Variants in INPP5A observed in about 807,000 individuals in gnomAD.
The protein encoded by INPP5A is 43 kDa inositol polyphosphate 5-phophatase.
In INPP5A, 14 loss-of-function variants were observed where a neutral mutation model predicts 65.2. The ratio of observed to expected loss-of-function variants is 0.21; its 90% CI spans 0.14 to 0.34. INPP5A has a LOEUF of 0.34. INPP5A is among the 10% of genes least tolerant of loss of function. The pLI is 1.00. For synonymous variants in INPP5A, 207 were observed against 208.3 expected (o/e 0.99, Z 0.05); for missense variants, 431 against 545.6 (o/e 0.79, Z 2.09).
rs183058628 is a variant in INPP5A, at chr10:132,624,994, C to T, written c.117+17038C>T. Among the ~76,000 whole-genome samples the T allele has an allele frequency of 1.2e-3, 183 of 152,270 alleles. 2 individuals carry two copies. The East Asian group carries it at 0.024, about 20-fold the overall frequency. ...CATCTGGCATTGGTCACTGTCCCTG[C>T]TGCCACCCTGCCCACGCCACAGTCC... On this transcript the variant is annotated intron_variant, in intron 2 of 15. Transcript: ENST00000368594.
chr10:132,540,327 C>T (rs1275249121), intron 1 of INPP5A, among the ~76,000 whole-genome samples: 2 of 152,190 alleles, frequency 1.3e-5, no homozygotes, highest in South Asian at 2.1e-4. Flanking sequence ...TGTTTAGCAA[C>T]CTATTCTCTC....
intron 9 of INPP5A, among the ~76,000 whole-genome samples, chr10:132,749,228 T>C (rs1455976425): frequency 3.3e-5 from 5 of 152,236 alleles, no homozygotes; most frequent in Non-Finnish European, 5.9e-5. Flanking sequence ...AGCCTGCTGG[T>C]GTCGCACTGG....
chr10:132,645,548 T>A (rs2072482301), intron 2 of INPP5A, among the ~76,000 whole-genome samples: 1 of 152,268 alleles, frequency 6.6e-6, no homozygotes, highest in African/African-American at 2.4e-5. Flanking sequence ...TCCCAGAGGC[T>A]CTGCAGTAAA....
chr10:132,713,737 C>T (rs1845691162), intron 8 of INPP5A, among the ~76,000 whole-genome samples: 1 of 152,194 alleles, frequency 6.6e-6, no homozygotes, highest in African/African-American at 2.4e-5. Flanking sequence ...CACGGCCACA[C>T]CCTCTGCAGG....
At chr10:132,766,205 C>T (rs1398490314) in intron 12 of INPP5A, among the ~76,000 whole-genome samples, 3 of 152,210 alleles carry the variant, frequency 2.0e-5, no homozygotes, top group South Asian at 2.1e-4. Flanking sequence ...GCACATGTAT[C>T]TGTGTGTCCT....
chr10:132,759,933 A>G lies in INPP5A; in HGVS notation c.904-5840A>G, dbSNP rs1454585023. Among the ~76,000 whole-genome samples, 4 of 151,974 alleles carry G rather than the reference A, an allele frequency of 2.6e-5. No individual in the cohort carries two copies. The East Asian group carries it at 7.7e-4, about 29-fold the overall frequency. ...CCGGTGCATTCACCAGGCTGGGGAC[A>G]CTCACTCAGGGCTGCGGCCTCACGA... On this transcript the variant is annotated intron_variant, in intron 11 of 15. Coordinates refer to ENST00000368594, the MANE Select transcript of INPP5A (RefSeq NM_005539.5).
intron 11 of INPP5A, among the ~76,000 whole-genome samples, chr10:132,763,815 G>A (rs1050064698): frequency 2.8e-4 from 40 of 142,690 alleles, no homozygotes; most frequent in South Asian, 6.8e-4. Context: ...GCCTGTACAC[G>A]CATAAACACA....
chr10:132,596,008 G>A (rs772371730), intron 1 of INPP5A, among the ~76,000 whole-genome samples: 5 of 152,102 alleles, frequency 3.3e-5, no homozygotes, highest in Non-Finnish European at 7.3e-5. Flanking sequence ...TCTTTCATAT[G>A]GTGGCTGAAC....
At chr10:132,694,116 C>T (rs922399172) in intron 5 of INPP5A, among the ~76,000 whole-genome samples, 1 of 152,174 alleles carries the variant, frequency 6.6e-6, no homozygotes, top group Non-Finnish European at 1.5e-5. Flanking sequence ...ACTGAGACAT[C>T]ACATTCTGGG....
At chr10:132,766,386 A>G (rs1846845760) in intron 12 of INPP5A, among the ~76,000 whole-genome samples, 1 of 152,162 alleles carries the variant, frequency 6.6e-6, no homozygotes, top group South Asian at 2.1e-4. Context: ...TGTGTTATGG[A>G]TCTTTCTGGC....
intron 12 of INPP5A, among the ~76,000 whole-genome samples, chr10:132,771,559 G>A (rs1237025213): frequency 2.0e-5 from 3 of 152,254 alleles, no homozygotes; most frequent in Non-Finnish European, 4.4e-5. Flanking sequence ...GGGGCCACAC[G>A]CCAACTCCAG....
chr10:132,769,720 G>A (rs1846915572), intron 12 of INPP5A, among the ~76,000 whole-genome samples: 1 of 152,114 alleles, frequency 6.6e-6, no homozygotes, highest in African/African-American at 2.4e-5. Context: ...TGGTCTGCCC[G>A]GCTCCCCAGA....
rs1235554103 is a variant in INPP5A, at chr10:132,644,331, C to A, written c.118-1537C>A. Among the ~76,000 whole-genome samples, 3 of 152,234 alleles carry A rather than the reference C, an allele frequency of 2.0e-5. No individual in the cohort carries two copies. The East Asian group carries it at 5.8e-4, about 29-fold the overall frequency. On this transcript the variant is annotated intron_variant, in intron 2 of 15. Transcript: ENST00000368594. The surrounding 1 kb of genome is among the most constrained non-coding windows in gnomAD (Gnocchi z 6.5). ...CTGCCGCTGCCACCTGCAGCACAGA[C>A]GGAGCCTGTGCACGGGGCCTGGTCA...
chr10:132,744,342 GC>G (rs1684583323), intron 9 of INPP5A, among the ~76,000 whole-genome samples: 1 of 152,186 alleles, frequency 6.6e-6, no homozygotes, highest in African/African-American at 2.4e-5. Flanking sequence ...CTCCCAGGAG[GC>G]CCTGCTCCCG....
At chr10:132,774,051 C>G (rs1189245586) in intron 12 of INPP5A, among the ~76,000 whole-genome samples, 1 of 152,268 alleles carries the variant, frequency 6.6e-6, no homozygotes, top group Non-Finnish European at 1.5e-5. Context: ...CGTGAGCCCC[C>G]ATGCCCAGCC....
At chr10:132,643,108 T>G (rs1281844380) in intron 2 of INPP5A, among the ~76,000 whole-genome samples, 1 of 152,234 alleles carries the variant, frequency 6.6e-6, no homozygotes, top group Non-Finnish European at 1.5e-5. Context: ...GCAAGGTCAT[T>G]GGGTTGACCA....
At chr10:132,683,319 C>T (rs112917558) in intron 4 of INPP5A, among the ~76,000 whole-genome samples, 384 of 150,328 alleles carry the variant, frequency 2.6e-3, no homozygotes, top group African/African-American at 7.6e-3. Context: ...GTGGAGGGCA[C>T]GTGTCTGCCG....
At chr10:132,772,711 A>G (rs1309106149) in intron 12 of INPP5A, among the ~76,000 whole-genome samples, 3 of 65,258 alleles carry the variant, frequency 4.6e-5, no homozygotes, top group Non-Finnish European at 9.1e-5. Context: ...CAGCACTGAC[A>G]CGGAGGCCAC....
At chr10:132,750,914 A>T (rs1043598040) in intron 11 of INPP5A, among the ~76,000 whole-genome samples, 3 of 152,192 alleles carry the variant, frequency 2.0e-5, no homozygotes, top group African/African-American at 7.2e-5. Context: ...CCGCGTTCAC[A>T]TCCTAGCATC....
Sources: gnomAD v4.1 joint callset for allele counts (sites outside exome capture counted in the v4.1 genomes callset) on GRCh38, gnomAD v4.1.1 for gene constraint, Gnocchi (gnomAD v3.1) non-coding constraint, MANE v1.5 for transcripts, NCBI Gene and HGNC (gene_info 2026-07-23, HGNC 2026-07-21) for gene names.